IDE: variants seen among roughly 807,000 people sequenced by gnomAD.
The protein encoded by IDE is insulin-degrading enzyme.
IDE carries 58 observed loss-of-function variants against 133.2 expected under a neutral mutation model. The ratio of observed to expected loss-of-function variants is 0.44; its 90% CI spans 0.35 to 0.54. IDE has a LOEUF of 0.54. Among genes scored for constraint, IDE ranks in the 20% least tolerant of loss-of-function variants. The pLI is 0.00. For synonymous variants in IDE, 396 were observed against 421.3 expected (o/e 0.94, Z 0.73); for missense variants, 981 against 1,234.0 (o/e 0.79, Z 3.07).
In IDE at chr10:92,508,062, T is replaced by A. The variant is rs77117353; in HGVS notation, c.1153+51A>T. 1.0e-3 allele frequency: 1,341 copies of A among 1,314,384 alleles called. 12 individuals carry two copies. The African/African-American group carries it at 0.017, about 17-fold the overall frequency. The allele number at this position is 1,314,384 out of a possible 1,614,324, so 81.4% of individuals were successfully genotyped here. On this transcript the variant is annotated intron_variant, in intron 8 of 24. Transcript: ENST00000265986. ...CACAGCATGAAGAAGTTAAAAAACA[T>A]CATAGAAAGTAAATTTTCATTCAAA... is the stretch of plus-strand genomic sequence containing the variant.
chr10:92,493,988 C>G (rs1329431598), intron 11 of IDE, among the ~76,000 whole-genome samples: 1 of 152,114 alleles, frequency 6.6e-6, no homozygotes, highest in African/African-American at 2.4e-5. Flanking sequence ...AGTACAGACA[C>G]CTATAGTATA....
In IDE at chr10:92,455,575, C is replaced by T; in HGVS notation, c.2964+1G>A. 1 of 1,557,192 alleles carries T rather than the reference C, an allele frequency of 6.4e-7. No homozygotes were observed. Among genetic ancestry groups the T allele is most frequent in the Non-Finnish European group, 8.9e-7 (1 of 1,128,420 alleles). ...ATCTAACATAACGTTATATTTCTTA[C>T]TTGTGGCAAGGCTGGTGCTTGTGAC... On this transcript the variant is annotated splice_donor_variant, in intron 24 of 24. Transcript: ENST00000265986. LOFTEE classifies it high-confidence loss of function.
At chr10:92,456,578 C>A (rs1330946647) in intron 22 of IDE, 147 bp from the exon 23 acceptor site, 3 of 653,114 alleles carry the variant, frequency 4.6e-6, no homozygotes, top group Non-Finnish European at 8.2e-6. Flanking sequence ...GTGGCTCATG[C>A]CTGTAATCCC....
chr10:92,484,366 G>A (rs1158514366), intron 13 of IDE, among the ~76,000 whole-genome samples: 4 of 152,152 alleles, frequency 2.6e-5, no homozygotes, highest in East Asian at 3.9e-4. Context: ...GCAGTGAGCC[G>A]AGATCATGCC....
At chr10:92,481,615 G>A (rs1355344060) in intron 14 of IDE, among the ~76,000 whole-genome samples, 1 of 151,986 alleles carries the variant, frequency 6.6e-6, no homozygotes, top group East Asian at 1.9e-4. Context: ...TGGATCACAG[G>A]GTTTTAAAAA....
chr10:92,469,038 C>G lies in IDE; in HGVS notation c.2209-48G>C, dbSNP rs2135366350. On this transcript the variant is annotated intron_variant, in intron 18 of 24. Transcript: ENST00000265986. ...GCATATTACAAAAACATAAACATAT[C>G]TTGTTTGTGAAATAAACTGGCTTTG... The G allele has an allele frequency of 3.8e-6, 4 of 1,046,590 alleles. 1 individual carries two copies. In the African/African-American group the frequency reaches 4.7e-5, roughly 12 times the overall value. 64.8% of individuals were successfully genotyped at this position (1,046,590 alleles called of 1,614,324 possible). A position where few individuals can be genotyped will look rare whatever the true frequency, so the allele number is the denominator to read the frequency against.
rs760626892 is a variant in IDE at position 92,510,109 on chromosome 10, T to C, written c.838A>G (p.Asn280Asp). The part of the protein sequence containing the change: ...LVVKLFSEVE[N>D]KNVPLPEFPE... ...AATTCTGGCAATGGAACATTTTTGT[T>C]CTCTACTTCAGAAAATAACTTTACC... The change falls in exon 6 of 25, where the codon AAC (asparagine) becomes GAC (aspartate). Residue 280 changes from asparagine to aspartate, a missense_variant. Asn to Asp is a conservative substitution (Grantham distance 23). Around this residue, in one of 2 missense-constraint regions of IDE, gnomAD observed 321 missense variants for 339.3 expected, o/e 0.95. Coordinates refer to ENST00000265986, the MANE Select transcript of IDE (RefSeq NM_004969.4). 1.7e-5 allele frequency: 28 copies of C among 1,606,740 alleles called. No individual in the cohort carries two copies. The highest frequency in any genetic ancestry group is 2.3e-5 in the Non-Finnish European group (27 of 1,174,450).
chr10:92,521,481 G>A (rs1468632423), intron 4 of IDE, among the ~76,000 whole-genome samples: 1 of 151,970 alleles, frequency 6.6e-6, no homozygotes, highest in Non-Finnish European at 1.5e-5. Context: ...AGAGGGGAGT[G>A]AGGGGAAGGA....
At chr10:92,473,169 A>T (rs1418696830) in intron 17 of IDE, among the ~76,000 whole-genome samples, 3 of 151,870 alleles carry the variant, frequency 2.0e-5, no homozygotes. Context: ...TGACCTCGTG[A>T]TCCGCCTGCC....
intron 11 of IDE, among the ~76,000 whole-genome samples, chr10:92,495,686 A>G (rs1358597332): frequency 6.6e-6 from 1 of 151,892 alleles, no homozygotes; most frequent in Non-Finnish European, 1.5e-5. Context: ...AATTAGATGA[A>G]CCCTCTCCTT....
rs142209574 is a variant in IDE at position 92,537,455 on chromosome 10, C to T, written c.194G>A (p.Arg65Gln). The change falls in exon 2 of 25, where the codon CGA becomes CAA. Residue 65 changes from arginine to glutamine, a missense_variant. Physicochemically the swap from Arg to Gln is conservative, Grantham distance 43 (BLOSUM62 1). Coordinates refer to ENST00000265986, the MANE Select transcript of IDE (RefSeq NM_004969.4). ...TKSPEDKREY[R>Q]GLELANGIKV... ...GATACCATTGGCCAGCTCTAGCCCTCGATATTCTCGCTTGTCTTCAGGAGA... is the reference window on the plus strand; with the variant it reads ...GATACCATTGGCCAGCTCTAGCCCTTGATATTCTCGCTTGTCTTCAGGAGA... 17 of 1,613,806 alleles carry T rather than the reference C, an allele frequency of 1.1e-5. No individual in the cohort carries two copies. The highest frequency in any genetic ancestry group is 1.3e-5 in the Non-Finnish European group (15 of 1,179,878).
intron 4 of IDE, among the ~76,000 whole-genome samples, chr10:92,523,223 A>T (rs1411629038): frequency 6.6e-6 from 1 of 151,962 alleles, no homozygotes; most frequent in Non-Finnish European, 1.5e-5. Context: ...TCTACTAAAA[A>T]TACAAAAACT....
At position 92,471,104 on chromosome 10, in the gene IDE, C is replaced by A. The variant is rs558867532; in HGVS notation, c.2117-759G>T. ...TATTTTCTTTTTCTTTAAATTTGAC[C>A]CACTAATTTTAGCATCCATTGGTAG... On this transcript the variant is annotated intron_variant, in intron 17 of 24. Coordinates refer to ENST00000265986, the MANE Select transcript of IDE (RefSeq NM_004969.4). 2.6e-5 allele frequency among the ~76,000 whole-genome samples: 4 copies of A among 151,962 alleles called. No homozygotes were observed. In the South Asian group the frequency reaches 8.3e-4, roughly 32 times the overall value.
intron 17 of IDE, among the ~76,000 whole-genome samples, chr10:92,471,663 C>T (rs1845973010): frequency 6.6e-6 from 1 of 152,138 alleles, no homozygotes; most frequent in Non-Finnish European, 1.5e-5. Flanking sequence ...GCTTCACCAC[C>T]AGACTGGAGC....
intron 11 of IDE, among the ~76,000 whole-genome samples, chr10:92,504,347 G>A (rs1361233284): frequency 6.6e-6 from 1 of 152,100 alleles, no homozygotes; most frequent in African/African-American, 2.4e-5. Flanking sequence ...TTAACCACTG[G>A]TCAATCAGGA....
intron 4 of IDE, among the ~76,000 whole-genome samples, chr10:92,515,723 G>A (rs957945818): frequency 3.7e-4 from 55 of 149,946 alleles, no homozygotes; most frequent in African/African-American, 1.3e-3. Flanking sequence ...ACCACGCCCG[G>A]CTAATTTTGT....
intron 1 of IDE, among the ~76,000 whole-genome samples, chr10:92,563,374 T>C (rs183767244): frequency 1.3e-4 from 19 of 147,600 alleles, no homozygotes; most frequent in Admixed American, 8.8e-4. Context: ...ATCACTTGAA[T>C]CTGGGATGCG....
intron 1 of IDE, among the ~76,000 whole-genome samples, chr10:92,541,082 C>T (rs1381417677): frequency 2.6e-5 from 4 of 152,128 alleles, no homozygotes; most frequent in African/African-American, 9.6e-5. Flanking sequence ...AAAATTAGTC[C>T]AACTACTAGT....
intron 11 of IDE, among the ~76,000 whole-genome samples, chr10:92,500,168 G>A (rs1208589432): frequency 6.6e-6 from 1 of 151,960 alleles, no homozygotes; most frequent in South Asian, 2.1e-4. Flanking sequence ...ATGGTGGTGC[G>A]TGCCTGTAAT....
Sources: gnomAD v4.1 joint callset for allele counts (sites outside exome capture counted in the v4.1 genomes callset) on GRCh38, gnomAD v4.1.1 for gene constraint, gnomAD v4.1.1 regional missense constraint, MANE v1.5 for transcripts, NCBI Gene and HGNC (gene_info 2026-07-23, HGNC 2026-07-21) for gene names.